Variants in MTMR6 observed in about 807,000 individuals in gnomAD.
MTMR6 encodes the protein phosphatidylinositol-3,5-bisphosphate 3-phosphatase MTMR6.
Under a neutral mutation model 80.1 loss-of-function variants are expected in MTMR6, and 47 were observed. That is an observed-to-expected ratio of 0.59 (90% CI 0.46 to 0.75). The LOEUF (loss-of-function observed/expected upper bound fraction) is 0.75. Among genes scored for constraint, MTMR6 ranks in the 30% least tolerant of loss-of-function variants. MTMR6 has a pLI of 0.00. For synonymous variants in MTMR6, 254 were observed against 253.0 expected, an observed-to-expected ratio of 1.00 and a Z score of -0.04; for missense variants, 629 against 730.9, an observed-to-expected ratio of 0.86 and a Z score of 1.61.
At chr13:25,282,408 A>G (rs1426929276) in intron 1 of MTMR6, among the ~76,000 whole-genome samples, 1 of 152,006 alleles carries the variant, frequency 6.6e-6, no homozygotes, top group East Asian at 1.9e-4. Context: ...CTCCAACTAG[A>G]TAAGTTATAA....
chr13:25,264,775 A>AAAAAAAAAAAAAAAAAAAG (rs1491106020), intron 5 of MTMR6, among the ~76,000 whole-genome samples: 4 of 133,646 alleles, frequency 3.0e-5, no homozygotes, highest in Admixed American at 9.1e-5. Flanking sequence ...AAAAAAAAAA[A>AAAAAAAAAAAAAAAAAAAG]GAAATTTCAG....
At chr13:25,278,709 CAAAAAAAAAAAAAA>C (rs57589187) in intron 1 of MTMR6, among the ~76,000 whole-genome samples, 1 of 55,468 alleles carries the variant, frequency 1.8e-5, no homozygotes, top group African/African-American at 6.8e-5. Flanking sequence ...CAAGACTCTG[CAAAAAAAAAAAAAA>C]AAAAAAAAAA....
At position 25,251,886 on chromosome 13, in the gene MTMR6, A is replaced by T. The variant is rs1467496727; in HGVS notation, c.1445T>A (p.Val482Asp). The T allele has an allele frequency of 1.8e-5, 29 of 1,607,952 alleles. No homozygotes were observed. The highest frequency in any genetic ancestry group is 2.4e-5 in the Non-Finnish European group (28 of 1,178,456). Residue 482 changes from valine (V) to aspartate (D), a missense_variant, in exon 12 of 14, where the codon GTT becomes GAT. Val to Asp is a radical substitution (Grantham distance 152). Coordinates refer to ENST00000381801, the MANE Select transcript of MTMR6 (RefSeq NM_004685.5). This position sits in a 1 kb window ranked among gnomAD's most constrained non-coding sequence, Gnocchi z 4.1. Reference protein sequence around the residue: ...LYSSESHRFTVLEPNTVSFNF... With the variant: ...LYSSESHRFTDLEPNTVSFNF... ...GAAAGATACTGTATTTGGCTCCAAA[A>T]CTGTAAATCTGTGAGATTCGGAACT...
chr13:25,267,207 A>T (rs1957476501), intron 3 of MTMR6, among the ~76,000 whole-genome samples: 2 of 148,446 alleles, frequency 1.3e-5, no homozygotes, highest in African/African-American at 5.0e-5. Context: ...AGATTGTGCC[A>T]CTGCACTCCA....
chr13:25,252,734 G>GA (rs1438467993), intron 11 of MTMR6, among the ~76,000 whole-genome samples: 5 of 74,126 alleles, frequency 6.7e-5, no homozygotes, highest in Non-Finnish European at 2.0e-4. Flanking sequence ...TGTACTCCAG[G>GA]AAAAGAGTTA....
In MTMR6 at chr13:25,287,417, C is replaced by G. The variant is rs1593162225; in HGVS notation, c.-170G>C. 1 of 835,662 alleles carries G rather than the reference C, an allele frequency of 1.2e-6. No homozygotes were observed. The highest frequency in any genetic ancestry group is 1.9e-6 in the Non-Finnish European group (1 of 524,484). The allele number at this position is 835,662 out of a possible 1,614,324, so 51.8% of individuals were successfully genotyped here. A position where few individuals can be genotyped will look rare whatever the true frequency, so the allele number is the denominator to read the frequency against. The stretch of plus-strand genomic sequence containing the variant: ...CGGCGCAGGTGCAGCCGGTGAGCGC[C>G]GTCTCCTAGAAACACTTCCCCAAAC... On this transcript the variant is annotated 5_prime_UTR_variant, in exon 1 of 14. Coordinates refer to ENST00000381801, the MANE Select transcript of MTMR6 (RefSeq NM_004685.5).
At chr13:25,280,215 TTAATA>T (rs1181160404) in intron 1 of MTMR6, among the ~76,000 whole-genome samples, 4 of 152,228 alleles carry the variant, frequency 2.6e-5, no homozygotes, top group Non-Finnish European at 5.9e-5. Flanking sequence ...AGGAATGTCT[TTAATA>T]TAACAAACTG....
Position 25,287,485 on chromosome 13 carries a change from G to A in MTMR6, c.-238C>T, listed in dbSNP as rs1043798389. The A allele has an allele frequency of 3.5e-6, 2 of 567,290 alleles. No homozygotes were observed. The highest frequency in any genetic ancestry group is 3.8e-5 in the African/African-American group (2 of 52,924). The allele number at this position is 567,290 out of a possible 1,614,324, so 35.1% of individuals were successfully genotyped here. A position where few individuals can be genotyped will look rare whatever the true frequency, so the allele number is the denominator to read the frequency against. ...GACTCGGGGCAGGCAGACAGAGCGT[G>A]TGTGGACCGAGAGCGGCTTGCTGGT... On this transcript the variant is annotated 5_prime_UTR_variant, in exon 1 of 14. Coordinates refer to ENST00000381801, the MANE Select transcript of MTMR6 (RefSeq NM_004685.5).
intron 1 of MTMR6, among the ~76,000 whole-genome samples, chr13:25,286,537 A>G (rs1957957003): frequency 6.6e-6 from 1 of 152,248 alleles, no homozygotes; most frequent in Non-Finnish European, 1.5e-5. Context: ...TTCGTTCTCA[A>G]AATGAAGGTC....
At chr13:25,285,777 G>C (rs1045591024) in intron 1 of MTMR6, among the ~76,000 whole-genome samples, 2 of 151,988 alleles carry the variant, frequency 1.3e-5, no homozygotes, top group Non-Finnish European at 2.9e-5. Flanking sequence ...CAAGTGATCC[G>C]CCCACCTCGG....
rs557543924 is a variant in MTMR6, at chr13:25,287,296, C to T, written c.-49G>A. On this transcript the variant is annotated 5_prime_UTR_variant, in exon 1 of 14. Transcript: ENST00000381801. ...CCGGTCTCACAGGCGTACCATACGG[C>T]TACAGAAACAGGGCGGTGACAGCGA... 1.1e-5 allele frequency: 18 copies of T among 1,570,152 alleles called. No individual in the cohort carries two copies. The Admixed American group carries it at 3.3e-4, about 28-fold the overall frequency.
rs57979730 is a variant in MTMR6 at position 25,273,075 on chromosome 13, G to A, written c.141+996C>T. ...TTTCCTTTTTCTTTATCTGAAAAGG[G>A]TAAATTCTTTATAATCAGCTCATTA... On this transcript the variant is annotated intron_variant, in intron 2 of 13. Transcript: ENST00000381801. Among the ~76,000 whole-genome samples the A allele has an allele frequency of 5.1e-3, 778 of 151,926 alleles. 3 individuals carry two copies. The highest frequency in any genetic ancestry group is 0.017 in the African/African-American group (702 of 41,406).
chr13:25,279,170 C>G (rs1957789556), intron 1 of MTMR6, among the ~76,000 whole-genome samples: 1 of 152,166 alleles, frequency 6.6e-6, no homozygotes, highest in Non-Finnish European at 1.5e-5. Context: ...CAAATTTCAT[C>G]TTGGATTGTA....
intron 6 of MTMR6, 145 bp downstream of exon 6, chr13:25,261,523 G>T: frequency 1.5e-6 from 1 of 666,126 alleles, no homozygotes; most frequent in Non-Finnish European, 2.2e-6. Context: ...TTAAATAAAG[G>T]ATTGATTTCC....
chr13:25,278,314 C>T (rs539634324), intron 1 of MTMR6, among the ~76,000 whole-genome samples: 66 of 152,234 alleles, frequency 4.3e-4, no homozygotes, highest in African/African-American at 1.5e-3. Context: ...CAACTGCTAC[C>T]GGGTGTGGTG....
At chr13:25,261,552 G>T (rs1296089752) in intron 6 of MTMR6, 116 bp downstream of exon 6, 8 of 925,950 alleles carry the variant, frequency 8.6e-6, no homozygotes, top group South Asian at 2.8e-5. Flanking sequence ...ATTAGCCTTA[G>T]TTAATTTAAA....
Position 25,265,765 on chromosome 13 carries a change from A to T in MTMR6, c.591+54T>A, listed in dbSNP as rs145506825. ...AAAAAAAGTGTTATTTTAGATACTT[A>T]AACCTGAAGATGAGTTATACTTTAT... On this transcript the variant is annotated intron_variant, in intron 5 of 13. Transcript: ENST00000381801. 1.4e-5 allele frequency: 21 copies of T among 1,549,888 alleles called. No individual in the cohort carries two copies. The Admixed American group carries it at 2.3e-4, about 17-fold the overall frequency.
At chr13:25,271,550 T>A (rs746927276) in intron 2 of MTMR6, among the ~76,000 whole-genome samples, 5 of 152,250 alleles carry the variant, frequency 3.3e-5, no homozygotes, top group African/African-American at 4.8e-5. Context: ...TTCTAAAAGC[T>A]GGCAGAGCTA....
At chr13:25,261,303 TAAAAAAAAAAAAA>T (rs56833434) in intron 6 of MTMR6, among the ~76,000 whole-genome samples, 477 of 40,892 alleles carry the variant, frequency 0.012, 14 homozygotes, top group African/African-American at 0.037. Context: ...AACTCTGTCT[TAAAAAAAAAAAAA>T]AAAAAAAAAA....
Sources: allele counts gnomAD v4.1 joint callset (sites outside exome capture counted in the v4.1 genomes callset), GRCh38; gene constraint gnomAD v4.1.1; non-coding constraint Gnocchi (gnomAD v3.1); transcripts MANE v1.5; gene names NCBI Gene and HGNC (gene_info 2026-07-23, HGNC 2026-07-21).